CAMTA2: variants seen among roughly 807,000 people sequenced by gnomAD.
CAMTA2 encodes calmodulin binding transcription activator 2, also known as calmodulin-binding transcription activator 2.
In CAMTA2, 56 loss-of-function variants were observed where a neutral mutation model predicts 135.7. The observed-to-expected ratio is 0.41, with a 90% CI of 0.33 to 0.52. The LOEUF (loss-of-function observed/expected upper bound fraction) is 0.52. Among genes scored for constraint, CAMTA2 ranks in the 20% least tolerant of loss-of-function variants. The pLI is 0.16. For synonymous variants in CAMTA2, 591 were observed against 604.6 expected, an observed-to-expected ratio of 0.98 and a Z score of 0.33; for missense variants, 1,358 against 1,553.4, an observed-to-expected ratio of 0.87 and a Z score of 2.11.
chr17:4,973,205 G>C lies in CAMTA2; in HGVS notation c.2250C>G (p.Leu750=). The C allele has an allele frequency of 6.2e-7, 1 of 1,613,758 alleles. No individual in the cohort carries two copies. The part of the protein sequence containing the change: ...SLDLEQEVDP[L]NVDHFSCTPL... ...GGGTGCAAGAGAAATGATCCACGTT[G>C]AGCGGGTCAACCTCCTGCTCTAAGT... The change falls in exon 14 of 23, where the codon CTC becomes CTG. Residue 750 remains leucine (L), a synonymous_variant. Transcript: ENST00000348066.
intron 16 of CAMTA2, among the ~76,000 whole-genome samples, chr17:4,971,691 CTTT>C (rs748274165): frequency 6.8e-5 from 9 of 131,880 alleles, no homozygotes; most frequent in Non-Finnish European, 1.1e-4. Context: ...ACTATTTTGT[CTTT>C]TTTTTTTTTT....
Position 4,979,834 on chromosome 17 carries a change from A to G in CAMTA2, c.1488T>C (p.Ser496=). 6.2e-7 allele frequency: 1 copy of G among 1,612,626 alleles called. No homozygotes were observed. Among genetic ancestry groups the G allele is most frequent in the Non-Finnish European group, 8.5e-7 (1 of 1,179,770 alleles). The change falls in exon 9 of 23, where the codon AGT becomes AGC. Residue 496 remains serine (S), a synonymous_variant. Coordinates refer to ENST00000348066, the MANE Select transcript of CAMTA2 (RefSeq NM_015099.4). ...ATGAAAGACTGAAGGGCTCCAGTTCACTGGCCCCAACAGGTCCTCCAAACA... is the reference window on the plus strand; with the variant it reads ...ATGAAAGACTGAAGGGCTCCAGTTCGCTGGCCCCAACAGGTCCTCCAAACA... ...EALFGGPVGA[S]ELEPFSLSSF...
chr17:4,984,029 C>T (rs910385667), intron 3 of CAMTA2, among the ~76,000 whole-genome samples: 2 of 152,200 alleles, frequency 1.3e-5, no homozygotes, highest in African/African-American at 4.8e-5. Context: ...CGGCTCACTG[C>T]AAGCTCTTCC....
chr17:4,970,395 A>G lies in CAMTA2; in HGVS notation c.2950T>C (p.Trp984Arg). 6.2e-7 allele frequency: 1 copy of G among 1,614,206 alleles called. No homozygotes were observed. The highest frequency in any genetic ancestry group is 8.5e-7 in the Non-Finnish European group (1 of 1,180,046). ...GAVGLSETMS[W>R]LASYLENVDH... ...ACATTCTCCAGGTAGCTGGCCAGCC[A>G]GGACATGGTCTCACTGAGCCCCACA... The change falls in exon 17 of 23, where the codon TGG becomes CGG. Residue 984 changes from tryptophan (W) to arginine (R), a missense_variant. Transcript: ENST00000348066.
chr17:4,983,476 GA>G (rs1422001400), intron 3 of CAMTA2, among the ~76,000 whole-genome samples: 33 of 151,878 alleles, frequency 2.2e-4, no homozygotes, highest in African/African-American at 8.0e-4. Flanking sequence ...GTAGAGACAG[GA>G]TTTCACCATG....
Position 4,969,600 on chromosome 17 carries a change from G to C in CAMTA2, c.3261+30C>G, listed in dbSNP as rs763236678. 3 of 1,613,860 alleles carry C rather than the reference G, an allele frequency of 1.9e-6. No homozygotes were observed. The highest frequency in any genetic ancestry group is 3.3e-5 in the Admixed American group (2 of 60,020). ...CGTGGGTGTGGGTTGGTGGGTTGCTGGTTACACTTTTGAGGGAGAAGGGTC... is the reference window on the plus strand; with the variant it reads ...CGTGGGTGTGGGTTGGTGGGTTGCTCGTTACACTTTTGAGGGAGAAGGGTC... On this transcript the variant is annotated intron_variant, in intron 19 of 22. Coordinates refer to ENST00000348066, the MANE Select transcript of CAMTA2 (RefSeq NM_015099.4). This position sits in a 1 kb window ranked among gnomAD's most constrained non-coding sequence, Gnocchi z 5.6.
intron 11 of CAMTA2, among the ~76,000 whole-genome samples, chr17:4,976,322 T>C (rs988108761): frequency 6.6e-6 from 1 of 152,224 alleles, no homozygotes; most frequent in Non-Finnish European, 1.5e-5. Flanking sequence ...TTTTATTTTC[T>C]ATTTTGTGCT....
At chr17:4,981,467 AAC>A in intron 7 of CAMTA2, 108 bp from the exon 8 acceptor site, 2 of 1,470,812 alleles carry the variant, frequency 1.4e-6, no homozygotes, top group South Asian at 2.5e-5. Context: ...TGGCCAGGTG[AAC>A]AGAGGCCAGC....
In CAMTA2 at chr17:4,969,196, G is replaced by T; in HGVS notation, c.3424C>A (p.Pro1142Thr). Residue 1142 changes from proline (P) to threonine (T), a missense_variant, in exon 21 of 23, where the codon CCC becomes ACC. Transcript: ENST00000348066. This position sits in a 1 kb window ranked among gnomAD's most constrained non-coding sequence, Gnocchi z 5.6. ...QQHYRSYRRR[P>T]GPPHRTSATL... is the part of the protein sequence containing the mutation. ...GCCGAAGTCCGGTGGGGAGGGCCGGGCCTGCGGCGGTAGGAGCGGTAGTGC... is the reference window on the plus strand; with the variant it reads ...GCCGAAGTCCGGTGGGGAGGGCCGGTCCTGCGGCGGTAGGAGCGGTAGTGC... The T allele has an allele frequency of 1.2e-6, 2 of 1,611,810 alleles. No homozygotes were observed. Among genetic ancestry groups the T allele is most frequent in the Non-Finnish European group, 8.5e-7 (1 of 1,179,810 alleles).
chr17:4,980,152 A>G lies in CAMTA2; in HGVS notation c.1170T>C (p.Tyr390=). 1.3e-6 allele frequency: 2 copies of G among 1,589,520 alleles called. No individual in the cohort carries two copies. Among genetic ancestry groups the G allele is most frequent in the Non-Finnish European group, 1.7e-6 (2 of 1,167,234 alleles). The change falls in exon 9 of 23, where the codon TAT becomes TAC. Residue 390 remains tyrosine (Y), a synonymous_variant. Transcript: ENST00000348066. This position sits in a 1 kb window ranked among gnomAD's most constrained non-coding sequence, Gnocchi z 5.3. ...FLNSPQRGQT[Y]GGGQGVSPDF... is the part of the protein sequence containing the mutation. ...CTGGGCTTACTCCCTGCCCCCCTCC[A>G]TATGTCTGGCCCCTCTGGGGGCTGT...
At position 4,987,625 on chromosome 17, in the gene CAMTA2, G is replaced by A; in HGVS notation, c.-97C>T. ...GGTCCCGCGGGTGACGGCGGCAGCG[G>A]CCATTCTACCCCACACCGACCCCCC... On this transcript the variant is annotated 5_prime_UTR_variant, in exon 1 of 23. Coordinates refer to ENST00000348066, the MANE Select transcript of CAMTA2 (RefSeq NM_015099.4). The A allele has an allele frequency of 1.3e-6, 2 of 1,527,900 alleles. No homozygotes were observed. The highest frequency in any genetic ancestry group is 1.4e-5 in the African/African-American group (1 of 72,000). 94.6% of individuals were successfully genotyped at this position (1,527,900 alleles called of 1,614,324 possible).
chr17:4,972,179 C>T, intron 16 of CAMTA2, 53 bp downstream of exon 16: 1 of 1,474,000 alleles, frequency 6.8e-7, no homozygotes. Context: ...AAGTCGGCCT[C>T]ACCCTTCCTA....
chr17:4,985,569 G>A (rs535516033), intron 3 of CAMTA2, among the ~76,000 whole-genome samples: 63 of 152,008 alleles, frequency 4.1e-4, no homozygotes, highest in Admixed American at 2.2e-3. Flanking sequence ...GATTACAGGC[G>A]TACATCACCA....
At chr17:4,978,777 G>A (rs1265309089) in intron 9 of CAMTA2, 147 bp from the exon 10 acceptor site, 2 of 813,734 alleles carry the variant, frequency 2.5e-6, no homozygotes, top group East Asian at 5.6e-5. Flanking sequence ...GACCCAGTGG[G>A]GTGAGGTCAG....
In CAMTA2 at chr17:4,986,978, C is replaced by G. The variant is rs1973379166; in HGVS notation, c.-65+615G>C. 3.4e-6 allele frequency: 5 copies of G among 1,483,016 alleles called. No individual in the cohort carries two copies. The South Asian group carries it at 6.4e-5, about 19-fold the overall frequency. 91.9% of individuals were successfully genotyped at this position (1,483,016 alleles called of 1,614,324 possible). ...CCCCATCTACCGCTCTGGCTCCAGC[C>G]TGAGCCCCCCGCCCTCCTCGGGGAA... On this transcript the variant is annotated intron_variant, in intron 1 of 22. Transcript: ENST00000348066.
Position 4,980,523 on chromosome 17 carries a change from C to A in CAMTA2, c.799G>T (p.Ala267Ser), listed in dbSNP as rs238234. The A allele has an allele frequency of 3.9e-5, 62 of 1,601,478 alleles. 1 individual carries two copies. The South Asian group carries it at 6.3e-4, about 16-fold the overall frequency. Residue 267 changes from alanine (A) to serine (S), a missense_variant, in exon 9 of 23, where the codon GCT (alanine) becomes TCT (serine). Ala to Ser is a moderately conservative substitution (Grantham distance 99). Transcript: ENST00000348066. This position sits in a 1 kb window ranked among gnomAD's most constrained non-coding sequence, Gnocchi z 5.3. ...AGTGGAGGAGGCTCTGGGGGGTGAGCGTGGGGGATAGAGGTCAGGGTTAAA... is the reference window on the plus strand; with the variant it reads ...AGTGGAGGAGGCTCTGGGGGGTGAGAGTGGGGGATAGAGGTCAGGGTTAAA... ...RALTLTSIPH[A>S]HPPEPPPLIA...
chr17:4,980,288 G>A lies in CAMTA2; in HGVS notation c.1034C>T (p.Ala345Val). ...AGGLTPTRHLAPQADPRPSMS... is the reference protein window; with the variant it reads ...AGGLTPTRHLVPQADPRPSMS... The stretch of plus-strand genomic sequence containing the variant: ...GGAAGGCCTAGGATCAGCCTGTGGA[G>A]CCAAGTGCCTGGTGGGCGTCAAGCC... The change falls in exon 9 of 23, where the codon GCT becomes GTT. Residue 345 changes from alanine to valine, a missense_variant. Physicochemically the swap from Ala to Val is moderately conservative, Grantham distance 64. This residue lies in a region of CAMTA2 where 1,077 missense variants were observed against 1,127.5 expected (regional missense o/e 0.96). Coordinates refer to ENST00000348066, the MANE Select transcript of CAMTA2 (RefSeq NM_015099.4). The surrounding 1 kb of genome is among the most constrained non-coding windows in gnomAD (Gnocchi z 5.3). The A allele has an allele frequency of 6.2e-7, 1 of 1,609,326 alleles. No homozygotes were observed. The highest frequency in any genetic ancestry group is 8.5e-7 in the Non-Finnish European group (1 of 1,177,162).
Position 4,978,536 on chromosome 17 carries a change from A to C in CAMTA2, c.1733T>G (p.Val578Gly), listed in dbSNP as rs1972761337. The C allele has an allele frequency of 6.2e-7, 1 of 1,614,034 alleles. No homozygotes were observed. Among genetic ancestry groups the C allele is most frequent in the Admixed American group, 1.7e-5 (1 of 59,996 alleles). Residue 578 changes from valine to glycine, a missense_variant, in exon 10 of 23, where the codon GTC becomes GGC. By Grantham distance (109) the Val-to-Gly change is moderately radical (BLOSUM62 -3). This residue lies in a region of CAMTA2 where 1,077 missense variants were observed against 1,127.5 expected (regional missense o/e 0.96). Transcript: ENST00000348066. Reference sequence around the variant, plus strand: ...GTAGCAGCGTAAGACACCAGGCTGGACAAGTGAGGCTGGCACTGCGATGTG... The same window carrying C: ...GTAGCAGCGTAAGACACCAGGCTGGCCAAGTGAGGCTGGCACTGCGATGTG... ...FDHIAVPASL[V>G]QPGVLRCYCP...
In CAMTA2 at chr17:4,985,862, C is replaced by T; in HGVS notation, c.135+18G>A. 1 of 1,586,656 alleles carries T rather than the reference C, an allele frequency of 6.3e-7. No homozygotes were observed. The highest frequency in any genetic ancestry group is 8.7e-7 in the Non-Finnish European group (1 of 1,155,522). On this transcript the variant is annotated intron_variant, in intron 3 of 22. Transcript: ENST00000348066. ...ACTAGGTCTTGCTGGGCCCCAACCC[C>T]CAGCCTCCCTAGAAAACCTCATTTG...
Sources: allele counts gnomAD v4.1 joint callset (sites outside exome capture counted in the v4.1 genomes callset), GRCh38; gene constraint gnomAD v4.1.1; regional missense constraint gnomAD v4.1.1; non-coding constraint Gnocchi (gnomAD v3.1); transcripts MANE v1.5; gene names NCBI Gene and HGNC (gene_info 2026-07-23, HGNC 2026-07-21).